CLOCK: variants seen among roughly 807,000 people sequenced by gnomAD.
The protein encoded by CLOCK is clock circadian regulator, also known as circadian locomoter output cycles protein kaput.
A neutral mutation model predicts 118.4 loss-of-function variants in CLOCK; 43 were observed. The ratio of observed to expected loss-of-function variants is 0.36; its 90% CI spans 0.28 to 0.47. CLOCK has a LOEUF of 0.47. Ranked by LOEUF, CLOCK falls within the 20% of genes least tolerant of loss-of-function variation. The pLI, the probability that CLOCK is intolerant of heterozygous loss-of-function variation, is 1.00. For synonymous variants in CLOCK, 326 were observed against 339.2 expected (o/e 0.96, Z 0.43); for missense variants, 846 against 999.9 (o/e 0.85, Z 2.08).
chr4:55,450,424 T>C (rs1021778574), intron 15 of CLOCK, among the ~76,000 whole-genome samples, 192 bp from the exon 16 acceptor site: 14 of 152,320 alleles, frequency 9.2e-5, no homozygotes, highest in Admixed American at 1.3e-4. Flanking sequence ...CATTTTCTAT[T>C]TAAAGAAAGA....
Position 55,438,587 on chromosome 4 carries a change from C to T in CLOCK, c.2106-50G>A, listed in dbSNP as rs768788833. 8.7e-6 allele frequency: 14 copies of T among 1,611,264 alleles called. No individual in the cohort carries two copies. The South Asian group carries it at 9.9e-5, about 11-fold the overall frequency. On this transcript the variant is annotated intron_variant, in intron 21 of 22. Transcript: ENST00000513440. ...ATTGGAGTCCAAAGTACAAGGTATACATCATAAAACGCAGTGGAGTAAATA... is the reference window on the plus strand; with the variant it reads ...ATTGGAGTCCAAAGTACAAGGTATATATCATAAAACGCAGTGGAGTAAATA...
intron 2 of CLOCK, among the ~76,000 whole-genome samples, chr4:55,492,357 T>TA (rs369193423): frequency 0.11 from 16,056 of 141,732 alleles, 1,588 homozygotes; most frequent in African/African-American, 0.27. Flanking sequence ...CTATTCATGA[T>TA]AAAAAAAAAA....
chr4:55,519,111 G>T (rs191450379), intron 1 of CLOCK, among the ~76,000 whole-genome samples: 39 of 152,160 alleles, frequency 2.6e-4, no homozygotes, highest in African/African-American at 8.9e-4. Context: ...GAGTGCAATG[G>T]AGCAATCATA....
intron 3 of CLOCK, among the ~76,000 whole-genome samples, chr4:55,487,927 ATCT>A (rs1441426692): frequency 6.6e-6 from 1 of 152,096 alleles, no homozygotes; most frequent in East Asian, 1.9e-4. Context: ...TTTCGTAAAA[ATCT>A]TCTTACTTTA....
rs1723458844 is a variant in CLOCK at position 55,442,575 on chromosome 4, C to G, written c.1962G>C (p.Gln654His). 8 of 1,612,106 alleles carry G rather than the reference C, an allele frequency of 5.0e-6. No homozygotes were observed. Among genetic ancestry groups the G allele is most frequent in the Non-Finnish European group, 5.9e-6 (7 of 1,179,744 alleles). ...TATACAGTGGGGCTGTAAGAGTGCT[C>G]TGTGTCTGACTGGGTAGAGATGTTT... is the stretch of plus-strand genomic sequence containing the variant. ...SQQTSLPSQT[Q>H]STLTAPLYNT... is the part of the protein sequence containing the mutation. Residue 654 changes from glutamine to histidine, a missense_variant, in exon 21 of 23, where the codon CAG becomes CAC. Around this residue, in one of 4 missense-constraint regions of CLOCK, gnomAD observed 520 missense variants for 558.0 expected, o/e 0.93. Coordinates refer to ENST00000513440, the MANE Select transcript of CLOCK (RefSeq NM_004898.4).
intron 2 of CLOCK, among the ~76,000 whole-genome samples, chr4:55,500,820 G>A (rs966789072): frequency 2.0e-5 from 3 of 152,032 alleles, no homozygotes; most frequent in Admixed American, 1.3e-4. Context: ...TTTGTAAGCC[G>A]ATCGTTCTCC....
chr4:55,448,601 C>CGCGCTT lies in CLOCK; in HGVS notation c.1539+177_1539+178insAAGCGC, dbSNP rs764071880. Reference sequence around the variant, plus strand: ...ATATATGTGCGCGCGCGCACGCGCGCGTGTGTGTGTGTGTGTGTGTGTGTG... The same window carrying CGCGCTT: ...ATATATGTGCGCGCGCGCACGCGCGCGCGCTTGTGTGTGTGTGTGTGTGTGTGTGTG... On this transcript the variant is annotated intron_variant, in intron 18 of 22. Coordinates refer to ENST00000513440, the MANE Select transcript of CLOCK (RefSeq NM_004898.4). 3.4e-5 allele frequency among the ~76,000 whole-genome samples: 4 copies of CGCGCTT among 116,980 alleles called. No homozygotes were observed. In the Admixed American group the frequency reaches 3.4e-4, roughly 10 times the overall value. The allele number at this position is 116,980 out of a possible 152,430, so 76.7% of individuals were successfully genotyped here.
chr4:55,511,594 A>G (rs1397572118), intron 1 of CLOCK, among the ~76,000 whole-genome samples: 1 of 152,198 alleles, frequency 6.6e-6, no homozygotes, highest in Non-Finnish European at 1.5e-5. Flanking sequence ...TGGTACATTT[A>G]CTACAACTGA....
intron 1 of CLOCK, among the ~76,000 whole-genome samples, chr4:55,538,021 A>C: frequency 6.6e-6 from 1 of 152,192 alleles, no homozygotes; most frequent in South Asian, 2.1e-4. Flanking sequence ...GAACCTCAAT[A>C]AAATTAATAA....
intron 15 of CLOCK, among the ~76,000 whole-genome samples, chr4:55,450,454 A>G (rs1311159870): frequency 6.6e-6 from 1 of 152,208 alleles, no homozygotes; most frequent in Non-Finnish European, 1.5e-5. Context: ...TGAAGTTGGA[A>G]TCTCTTACAC....
At chr4:55,471,706 G>C (rs1422579732) in intron 7 of CLOCK, among the ~76,000 whole-genome samples, 1 of 152,158 alleles carries the variant, frequency 6.6e-6, no homozygotes, top group Non-Finnish European at 1.5e-5. Flanking sequence ...CTGAAGAAAT[G>C]AGATCTACAA....
At chr4:55,497,347 T>C (rs1728147554) in intron 2 of CLOCK, among the ~76,000 whole-genome samples, 1 of 152,216 alleles carries the variant, frequency 6.6e-6, no homozygotes, top group Admixed American at 6.5e-5. Context: ...ATAGATAATC[T>C]AAGATAACCT....
Position 55,446,817 on chromosome 4 carries a change from G to A in CLOCK, c.1539+1962C>T, listed in dbSNP as rs530178049. Among the ~76,000 whole-genome samples the A allele has an allele frequency of 2.0e-5, 3 of 152,242 alleles. No homozygotes were observed. The East Asian group carries it at 5.8e-4, about 29-fold the overall frequency. Reference sequence around the variant, plus strand: ...GTTTCACTTTATTGGAAGGAAATCTGTCTTAAAGTAGCCTCTTACAGTGAA... The same window carrying A: ...GTTTCACTTTATTGGAAGGAAATCTATCTTAAAGTAGCCTCTTACAGTGAA... On this transcript the variant is annotated intron_variant, in intron 18 of 22. Transcript: ENST00000513440.
chr4:55,465,169 G>A (rs921065379), intron 8 of CLOCK, among the ~76,000 whole-genome samples: 4 of 152,106 alleles, frequency 2.6e-5, no homozygotes, highest in Non-Finnish European at 4.4e-5. Context: ...TACTGAATAC[G>A]TGCATTTTTC....
At chr4:55,444,576 C>G in intron 19 of CLOCK, 57 bp downstream of exon 19, 1 of 1,609,246 alleles carries the variant, frequency 6.2e-7, no homozygotes, top group Non-Finnish European at 8.5e-7. Flanking sequence ...AGTTAATTTT[C>G]CTAGAAATCC....
At chr4:55,501,394 T>G (rs1291481144) in intron 2 of CLOCK, among the ~76,000 whole-genome samples, 1 of 152,204 alleles carries the variant, frequency 6.6e-6, no homozygotes, top group Non-Finnish European at 1.5e-5. Context: ...CATTACACTT[T>G]TTAGTATTTA....
intron 21 of CLOCK, 117 bp downstream of exon 21, chr4:55,442,315 G>T (rs1191459462): frequency 7.0e-5 from 57 of 819,860 alleles, no homozygotes; most frequent in Non-Finnish European, 1.8e-5. Flanking sequence ...AAGAACATTG[G>T]CTGCAGTGAG....
intron 6 of CLOCK, among the ~76,000 whole-genome samples, chr4:55,476,959 T>C (rs1471919396): frequency 2.0e-5 from 3 of 152,118 alleles, no homozygotes; most frequent in Non-Finnish European, 4.4e-5. Flanking sequence ...CTGTCCCTCA[T>C]CAAAAGTTAG....
chr4:55,491,325 A>G (rs1180185522), intron 2 of CLOCK, among the ~76,000 whole-genome samples: 1 of 150,620 alleles, frequency 6.6e-6, no homozygotes, highest in African/African-American at 2.4e-5. Flanking sequence ...AAGCCCATAG[A>G]GAGCAGAAGG....
Sources: gnomAD v4.1 joint callset for allele counts (sites outside exome capture counted in the v4.1 genomes callset) on GRCh38, gnomAD v4.1.1 for gene constraint, gnomAD v4.1.1 regional missense constraint, MANE v1.5 for transcripts, NCBI Gene and HGNC (gene_info 2026-07-23, HGNC 2026-07-21) for gene names.